Variants in STAT3 observed in about 807,000 individuals in gnomAD.
The protein encoded by STAT3 is signal transducer and activator of transcription 3, also known as DNA-binding protein APRF.
STAT3 carries 7 observed loss-of-function variants against 114.3 expected under a neutral mutation model. The observed-to-expected ratio is 0.06, with a 90% CI of 0.03 to 0.11. The LOEUF is 0.11. STAT3 is among the 10% of genes least tolerant of loss of function. The probability of loss-of-function intolerance (pLI) is 1.00; values close to 1 mark genes in which losing one functional copy is unlikely to be tolerated. For missense variants in STAT3, 364 were observed against 960.9 expected (o/e 0.38, Z 8.21); for synonymous variants, 331 against 354.5 (o/e 0.93, Z 0.74).
rs760006266 is a variant in STAT3, at chr17:42,348,375, TAAG to T, written c.128+11_128+13del. ...AAACCTAACAATTTGGAGAGTCACT[TAAG>T]AAGGACTTACCAATCTTGACTCTCA... On this transcript the variant is annotated intron_variant, in intron 2 of 23. Transcript: ENST00000264657. The T allele has an allele frequency of 6.2e-7, 1 of 1,614,060 alleles. No homozygotes were observed. Among genetic ancestry groups the T allele is most frequent in the Non-Finnish European group, 8.5e-7 (1 of 1,180,006 alleles).
At chr17:42,348,224 G>T (rs766020786) in intron 2 of STAT3, among the ~76,000 whole-genome samples, 165 bp downstream of exon 2, 44 of 152,306 alleles carry the variant, frequency 2.9e-4, no homozygotes, top group Non-Finnish European at 4.9e-4. Context: ...GATAAAAAAG[G>T]CTTTACAAGA....
chr17:42,380,596 G>A (rs1474911757), intron 1 of STAT3, among the ~76,000 whole-genome samples: 6 of 151,688 alleles, frequency 4.0e-5, no homozygotes, highest in Non-Finnish European at 5.9e-5. Flanking sequence ...ACTCTGTTGG[G>A]CAGGCTGGTC....
chr17:42,350,791 G>A (rs2082909804), intron 1 of STAT3, among the ~76,000 whole-genome samples: 1 of 152,164 alleles, frequency 6.6e-6, no homozygotes, highest in African/African-American at 2.4e-5. Context: ...AACAGAAATA[G>A]AATACAGGCC....
At position 42,322,640 on chromosome 17, in the gene STAT3, C is replaced by A. The variant is rs971853089; in HGVS notation, c.1889-146G>T. ...CTGAACACCCTGTTCAGTGGCCTGG[C>A]ACTGTGGAAATATTCAGGCTGGCTT... On this transcript the variant is annotated intron_variant, in intron 20 of 23. Transcript: ENST00000264657. The A allele has an allele frequency of 3.6e-5, 33 of 915,448 alleles. No individual in the cohort carries two copies. The African/African-American group carries it at 4.4e-4, about 12-fold the overall frequency. The allele number at this position is 915,448 out of a possible 1,614,324, so 56.7% of individuals were successfully genotyped here. A position where few individuals can be genotyped will look rare whatever the true frequency, so the allele number is the denominator to read the frequency against.
intron 8 of STAT3, among the ~76,000 whole-genome samples, chr17:42,334,640 T>C (rs1186464488): frequency 6.6e-6 from 1 of 152,138 alleles, no homozygotes; most frequent in Non-Finnish European, 1.5e-5. Flanking sequence ...AGATGGGATT[T>C]TGCCTTGTTG....
intron 1 of STAT3, among the ~76,000 whole-genome samples, chr17:42,353,797 C>T (rs886500566): frequency 6.6e-6 from 1 of 152,162 alleles, no homozygotes; most frequent in African/African-American, 2.4e-5. Flanking sequence ...TGATCTTGAA[C>T]TCCTGGCCTC....
Position 42,315,538 on chromosome 17 carries a change from G to C in STAT3, c.*207C>G, listed in dbSNP as rs918877553. On this transcript the variant is annotated 3_prime_UTR_variant, in exon 24 of 24. Transcript: ENST00000264657. ...GAGAACACATCCTTATTTGCATTTA[G>C]ATAAAAGCAGATCACCCACATTCAC... is the stretch of plus-strand genomic sequence containing the variant. 3.1e-6 allele frequency: 2 copies of C among 636,154 alleles called. No homozygotes were observed. Among genetic ancestry groups the C allele is most frequent in the African/African-American group, 3.6e-5 (2 of 54,894 alleles). The allele number at this position is 636,154 out of a possible 1,614,324, so 39.4% of individuals were successfully genotyped here.
chr17:42,371,364 C>T (rs536764966), intron 1 of STAT3, among the ~76,000 whole-genome samples: 2 of 152,062 alleles, frequency 1.3e-5, no homozygotes, highest in East Asian at 1.9e-4. Flanking sequence ...GCGGCTAACA[C>T]GTCTTCACAG....
Position 42,328,278 on chromosome 17 carries a change from A to G in STAT3, c.1281+1132T>C, listed in dbSNP as rs573801906. Among the ~76,000 whole-genome samples, 118 of 152,302 alleles carry G rather than the reference A, an allele frequency of 7.7e-4. 1 individual carries two copies. The highest frequency in any genetic ancestry group is 2.7e-3 in the African/African-American group (111 of 41,566). ...TTTTTAAAACACATATACTAATAAT[A>G]CTATTCAAATTATTTTACATTTTGC... On this transcript the variant is annotated intron_variant, in intron 14 of 23. Transcript: ENST00000264657.
At chr17:42,320,755 C>CAA (rs2081439334) in intron 21 of STAT3, among the ~76,000 whole-genome samples, 1 of 143,468 alleles carries the variant, frequency 7.0e-6, no homozygotes, top group African/African-American at 2.6e-5. Flanking sequence ...AAAAGCCCAT[C>CAA]ATTGGCTTTA....
At chr17:42,384,761 G>T (rs1462344909) in intron 1 of STAT3, among the ~76,000 whole-genome samples, 1 of 151,358 alleles carries the variant, frequency 6.6e-6, no homozygotes, top group African/African-American at 2.4e-5. Context: ...TTACCACGTT[G>T]CCCAAGCTGG....
chr17:42,343,169 CAAA>C (rs200877459), intron 4 of STAT3, among the ~76,000 whole-genome samples: 2 of 62,734 alleles, frequency 3.2e-5, no homozygotes, highest in African/African-American at 6.0e-5. Context: ...GAGACTGTCT[CAAA>C]AAAAAAAAAA....
At position 42,333,621 on chromosome 17, in the gene STAT3, A is replaced by G; in HGVS notation, c.1049+52T>C. The G allele has an allele frequency of 6.3e-7, 1 of 1,599,986 alleles. No individual in the cohort carries two copies. Among genetic ancestry groups the G allele is most frequent in the Non-Finnish European group, 8.6e-7 (1 of 1,167,814 alleles). ...TGGCCACCAACTCTACCCTCACCCT[A>G]ACAGTGTCCCTCAGTAAAATCTCTA... On this transcript the variant is annotated intron_variant, in intron 10 of 23. Coordinates refer to ENST00000264657, the MANE Select transcript of STAT3 (RefSeq NM_139276.3). This position sits in a 1 kb window ranked among gnomAD's most constrained non-coding sequence, Gnocchi z 5.2.
chr17:42,385,921 ATATT>A (rs902975416), intron 1 of STAT3, among the ~76,000 whole-genome samples: 2 of 152,146 alleles, frequency 1.3e-5, no homozygotes, highest in Non-Finnish European at 2.9e-5. Flanking sequence ...TGTTTATTGA[ATATT>A]TACCTCCCAT....
At chr17:42,330,108 ATCTTT>A (rs1189724916) in intron 11 of STAT3, among the ~76,000 whole-genome samples, 1 of 145,398 alleles carries the variant, frequency 6.9e-6, no homozygotes, top group African/African-American at 2.8e-5. Context: ...AATGCATTTT[ATCTTT>A]TCTTTTTTCT....
rs576914508 is a variant in STAT3 at position 42,329,878 on chromosome 17, T to C, written c.1110-102A>G. On this transcript the variant is annotated intron_variant, in intron 11 of 23. Coordinates refer to ENST00000264657, the MANE Select transcript of STAT3 (RefSeq NM_139276.3). ...TACTGTCATGAAAAAACCTCTGTGC[T>C]CCTGGGCATTTCTTTAAACTATTCA... 9 of 1,281,022 alleles carry C rather than the reference T, an allele frequency of 7.0e-6. No homozygotes were observed. In the African/African-American group the frequency reaches 7.4e-5, roughly 10 times the overall value. 79.4% of individuals were successfully genotyped at this position (1,281,022 alleles called of 1,614,324 possible). A position where few individuals can be genotyped will look rare whatever the true frequency, so the allele number is the denominator to read the frequency against.
chr17:42,352,201 T>C (rs1253377383), intron 1 of STAT3, among the ~76,000 whole-genome samples: 1 of 151,824 alleles, frequency 6.6e-6, no homozygotes, highest in Non-Finnish European at 1.5e-5. Context: ...TAGCCGAGCA[T>C]GGTGGTGGCC....
intron 14 of STAT3, among the ~76,000 whole-genome samples, chr17:42,328,441 T>G (rs1317420497): frequency 6.6e-6 from 1 of 152,216 alleles, no homozygotes; most frequent in Admixed American, 6.5e-5. Context: ...AGAGTTTCAC[T>G]CTGTTGCCCA....
intron 13 of STAT3, 33 bp downstream of exon 13, chr17:42,329,514 AGCCAGAG>A: frequency 6.2e-7 from 1 of 1,614,158 alleles, no homozygotes; most frequent in Non-Finnish European, 8.5e-7. Context: ...CCTCTCCGGC[AGCCAGAG>A]GCCCTTTGTG....
Sources: gnomAD v4.1 joint callset for allele counts (sites outside exome capture counted in the v4.1 genomes callset) on GRCh38, gnomAD v4.1.1 for gene constraint, Gnocchi (gnomAD v3.1) non-coding constraint, MANE v1.5 for transcripts, NCBI Gene and HGNC (gene_info 2026-07-23, HGNC 2026-07-21) for gene names.